Variants in LRRTM4 observed in about 807,000 individuals in gnomAD.
The protein encoded by LRRTM4 is leucine rich repeat transmembrane neuronal 4.
Under a neutral mutation model 47.6 loss-of-function variants are expected in LRRTM4, and 25 were observed. The ratio of observed to expected loss-of-function variants is 0.53; its 90% CI spans 0.38 to 0.73. LRRTM4 has a LOEUF of 0.73. LRRTM4 is among the 30% of genes least tolerant of loss of function. The pLI, the probability that LRRTM4 is intolerant of heterozygous loss-of-function variation, is 0.00. For missense variants in LRRTM4, 638 were observed against 713.4 expected (o/e 0.89, Z 1.20); for synonymous variants, 311 against 269.5 (o/e 1.15, Z -1.51).
At chr2:77,333,167 C>A (rs1270641158) in intron 3 of LRRTM4, among the ~76,000 whole-genome samples, 2 of 152,172 alleles carry the variant, frequency 1.3e-5, no homozygotes, top group Non-Finnish European at 2.9e-5. Flanking sequence ...AAGTCCACAT[C>A]TTTTGTAAAT....
At chr2:76,848,606 C>A (rs1369034207) in intron 3 of LRRTM4, among the ~76,000 whole-genome samples, 3 of 152,076 alleles carry the variant, frequency 2.0e-5, no homozygotes, top group East Asian at 1.9e-4. Context: ...ATCTCCAGTT[C>A]ATTATTATTT....
intron 3 of LRRTM4, among the ~76,000 whole-genome samples, chr2:76,894,824 TATA>T (rs1225171877): frequency 1.3e-5 from 2 of 151,828 alleles, no homozygotes; most frequent in African/African-American, 2.4e-5. Flanking sequence ...AATTACAGCA[TATA>T]ATACGTCTGT....
intron 3 of LRRTM4, among the ~76,000 whole-genome samples, chr2:77,053,575 A>G (rs1390393904): frequency 6.6e-6 from 1 of 152,114 alleles, no homozygotes; most frequent in Admixed American, 6.6e-5. Flanking sequence ...TACAGCTGAC[A>G]GCTTGCTAGT....
chr2:77,453,600 C>T (rs1321969858), intron 3 of LRRTM4, among the ~76,000 whole-genome samples: 2 of 152,076 alleles, frequency 1.3e-5, no homozygotes, highest in Non-Finnish European at 2.9e-5. Flanking sequence ...ATGATCAATG[C>T]TATTTGACAA....
At chr2:77,383,112 C>T (rs939025739) in intron 3 of LRRTM4, among the ~76,000 whole-genome samples, 4 of 151,868 alleles carry the variant, frequency 2.6e-5, no homozygotes, top group Non-Finnish European at 2.9e-5. Context: ...AGAAATTACA[C>T]CAATGTCATG....
intron 3 of LRRTM4, among the ~76,000 whole-genome samples, chr2:77,110,537 C>G (rs1272955789): frequency 6.6e-6 from 1 of 151,948 alleles, no homozygotes; most frequent in Non-Finnish European, 1.5e-5. Flanking sequence ...TCTTTTGCAC[C>G]AAGAATTTCT....
At chr2:76,946,223 T>C (rs1431169722) in intron 3 of LRRTM4, among the ~76,000 whole-genome samples, 3 of 151,948 alleles carry the variant, frequency 2.0e-5, no homozygotes, top group African/African-American at 7.2e-5. Flanking sequence ...AATATAAATA[T>C]GCATTCATGA....
intron 3 of LRRTM4, among the ~76,000 whole-genome samples, chr2:76,851,989 G>C (rs1190624067): frequency 6.6e-6 from 1 of 151,870 alleles, no homozygotes; most frequent in Admixed American, 6.6e-5. Flanking sequence ...ACATAACGTT[G>C]AATCATATTG....
intron 3 of LRRTM4, among the ~76,000 whole-genome samples, chr2:77,357,666 A>G (rs1672018624): frequency 6.6e-6 from 1 of 152,204 alleles, no homozygotes; most frequent in African/African-American, 2.4e-5. Flanking sequence ...CACACTTGGA[A>G]ACTTAACTAA....
intron 3 of LRRTM4, among the ~76,000 whole-genome samples, chr2:77,401,032 G>T (rs1487046311): frequency 6.6e-6 from 1 of 151,926 alleles, no homozygotes; most frequent in African/African-American, 2.4e-5. Context: ...CAGCAGCAGA[G>T]ATAAGTAATT....
Position 76,912,199 on chromosome 2 carries a change from G to T in LRRTM4, c.1552-163283C>A, listed in dbSNP as rs527851437. ...CTCCCAAAGTGCTAGGATTACAGGC[G>T]TGAGCCACCGCCCCTGGCCGATATG... is the stretch of plus-strand genomic sequence containing the variant. On this transcript the variant is annotated intron_variant, in intron 3 of 3. Transcript: ENST00000409884. Among the ~76,000 whole-genome samples, 4 of 152,200 alleles carry T rather than the reference G, an allele frequency of 2.6e-5. No homozygotes were observed. In the East Asian group the frequency reaches 7.7e-4, roughly 29 times the overall value.
intron 3 of LRRTM4, among the ~76,000 whole-genome samples, chr2:76,883,355 C>T (rs1193771980): frequency 6.6e-6 from 1 of 152,098 alleles, no homozygotes; most frequent in Non-Finnish European, 1.5e-5. Flanking sequence ...AGTAAATGCC[C>T]AATTAATGTT....
intron 3 of LRRTM4, among the ~76,000 whole-genome samples, chr2:77,515,461 A>T (rs542571202): frequency 6.6e-6 from 1 of 152,020 alleles, no homozygotes; most frequent in Non-Finnish European, 1.5e-5. Flanking sequence ...AACTGAATAT[A>T]AAGTTAGGTG....
intron 3 of LRRTM4, among the ~76,000 whole-genome samples, chr2:77,461,475 A>G (rs1344427529): frequency 6.6e-6 from 1 of 152,110 alleles, no homozygotes; most frequent in Non-Finnish European, 1.5e-5. Flanking sequence ...CCAATACCAT[A>G]TGGACTGAAA....
chr2:77,427,396 A>G (rs1675165008), intron 3 of LRRTM4, among the ~76,000 whole-genome samples: 1 of 152,234 alleles, frequency 6.6e-6, no homozygotes, highest in Non-Finnish European at 1.5e-5. Context: ...ATGGATCACT[A>G]CATTAATTCT....
At chr2:77,363,277 A>G (rs1573313821) in intron 3 of LRRTM4, among the ~76,000 whole-genome samples, 2 of 152,332 alleles carry the variant, frequency 1.3e-5, no homozygotes, top group South Asian at 4.1e-4. Flanking sequence ...GGCTATATAA[A>G]TATTTTCAGT....
At chr2:77,369,510 G>A (rs1303036891) in intron 3 of LRRTM4, among the ~76,000 whole-genome samples, 3 of 151,598 alleles carry the variant, frequency 2.0e-5, no homozygotes, top group East Asian at 1.9e-4. Flanking sequence ...TATTGCATTC[G>A]GGATTTTCGC....
intron 3 of LRRTM4, among the ~76,000 whole-genome samples, chr2:77,470,851 G>A (rs1677161650): frequency 6.6e-6 from 1 of 151,998 alleles, no homozygotes; most frequent in Non-Finnish European, 1.5e-5. Context: ...AAAACCATAG[G>A]AAATTTTGTG....
At chr2:76,788,848 T>C (rs62172104) in intron 3 of LRRTM4, among the ~76,000 whole-genome samples, 19,332 of 150,194 alleles carry the variant, frequency 0.13, 1,547 homozygotes, top group Non-Finnish European at 0.18. Flanking sequence ...ATAATAATGA[T>C]AAATGTTTTT....
Sources: allele counts gnomAD v4.1 joint callset (sites outside exome capture counted in the v4.1 genomes callset), GRCh38; gene constraint gnomAD v4.1.1; transcripts MANE v1.5; gene names NCBI Gene and HGNC (gene_info 2026-07-23, HGNC 2026-07-21).